DHX32: variants seen among roughly 807,000 people sequenced by gnomAD.
DHX32 encodes DEAH-box helicase 32 (putative).
Under a neutral mutation model 70.0 loss-of-function variants are expected in DHX32, and 51 were observed. The ratio of observed to expected loss-of-function variants is 0.73; its 90% CI spans 0.58 to 0.92. The LOEUF (loss-of-function observed/expected upper bound fraction) is 0.92, where lower values mean the gene tolerates loss of function less well. Among genes scored for constraint, DHX32 ranks in the 40% least tolerant of loss-of-function variants. The pLI, the probability that DHX32 is intolerant of heterozygous loss-of-function variation, is 0.00. For missense variants in DHX32, 762 were observed against 891.8 expected (o/e 0.85, Z 1.85); for synonymous variants, 310 against 315.3 (o/e 0.98, Z 0.18).
rs554660784 is a variant in DHX32 at position 125,887,725 on chromosome 10, T to C, written c.-247-6654A>G. Among the ~76,000 whole-genome samples the C allele has an allele frequency of 1.6e-4, 25 of 152,242 alleles. 1 individual carries two copies. In the South Asian group the frequency reaches 5.0e-3, roughly 30 times the overall value. On this transcript the variant is annotated intron_variant, in intron 1 of 2. Coordinates refer to the DHX32 transcript ENST00000415732. Reference sequence around the variant, plus strand: ...CTGGGCTCAAGTGATCCTCCTGCCTTAGCTTTCCGAGTAGCTAGAAGTAGA... The same window carrying C: ...CTGGGCTCAAGTGATCCTCCTGCCTCAGCTTTCCGAGTAGCTAGAAGTAGA...
chr10:125,848,378 A>G (rs1414260616), intron 6 of DHX32, among the ~76,000 whole-genome samples: 1 of 152,168 alleles, frequency 6.6e-6, no homozygotes, highest in Admixed American at 6.5e-5. Context: ...TCTCATTTGT[A>G]CCTCTAAATA....
chr10:125,848,156 CAG>C (rs1944048268), intron 6 of DHX32, among the ~76,000 whole-genome samples: 1 of 152,056 alleles, frequency 6.6e-6, no homozygotes, highest in Non-Finnish European at 1.5e-5. Context: ...AAAGAGTCCA[CAG>C]GGGGAGAAAC....
chr10:125,836,414 C>T lies in DHX32; in HGVS notation c.*273G>A. On this transcript the variant is annotated 3_prime_UTR_variant, in exon 11 of 11. Transcript: ENST00000284690. ...GGTTCTGTCCCATGTGTCTCTGACA[C>T]ATTTACAAAATACCAGTTTTTTAAA... 6.8e-7 allele frequency: 1 copy of T among 1,464,420 alleles called. No individual in the cohort carries two copies. The highest frequency in any genetic ancestry group is 1.4e-5 in the African/African-American group (1 of 69,822). The allele number at this position is 1,464,420 out of a possible 1,614,324, so 90.7% of individuals were successfully genotyped here. A position where few individuals can be genotyped will look rare whatever the true frequency, so the allele number is the denominator to read the frequency against.
At chr10:125,887,844 T>G (rs933316015) in intron 1 of DHX32, among the ~76,000 whole-genome samples, 2 of 152,120 alleles carry the variant, frequency 1.3e-5, no homozygotes, top group African/African-American at 4.8e-5. Context: ...TTAGTGAGAT[T>G]AGGTAACAGT....
chr10:125,838,953 T>C, intron 9 of DHX32, 48 bp downstream of exon 9: 1 of 1,550,172 alleles, frequency 6.5e-7, no homozygotes, highest in Non-Finnish European at 8.8e-7. Flanking sequence ...ATCCTGAGTA[T>C]GTGCAATTCA....
At chr10:125,853,065 TC>T in intron 4 of DHX32, 1 of 1,242,396 alleles carries the variant, frequency 8.0e-7, no homozygotes, top group South Asian at 1.4e-5. Flanking sequence ...TACTGAGAGT[TC>T]CAATCATAAC....
chr10:125,872,910 C>A (rs1193632832), intron 1 of DHX32, among the ~76,000 whole-genome samples: 1 of 152,208 alleles, frequency 6.6e-6, no homozygotes, highest in African/African-American at 2.4e-5. Flanking sequence ...AAAATCTAAT[C>A]TAAATCAAGG....
chr10:125,866,145 T>C lies in DHX32; in HGVS notation c.476+845A>G, dbSNP rs1944218993. Among the ~76,000 whole-genome samples the C allele has an allele frequency of 6.6e-6, 1 of 152,166 alleles. No homozygotes were observed. On this transcript the variant is annotated intron_variant, in intron 2 of 10. Transcript: ENST00000284690. This position sits in a 1 kb window ranked among gnomAD's most constrained non-coding sequence, Gnocchi z 4.8. ...GGGGCAGCTGAAGCCCGTGGGATGG[T>C]CAACTCTGGCTCCAGGCAGCTGTGA...
intron 1 of DHX32, among the ~76,000 whole-genome samples, chr10:125,873,955 C>A (rs1944269910): frequency 6.6e-6 from 1 of 152,098 alleles, no homozygotes; most frequent in Non-Finnish European, 1.5e-5. Flanking sequence ...TCTTTTTCAC[C>A]TCACTGACCC....
At chr10:125,895,497 C>G (rs1192813019) in intron 1 of DHX32, among the ~76,000 whole-genome samples, 2 of 152,222 alleles carry the variant, frequency 1.3e-5, no homozygotes, top group Non-Finnish European at 2.9e-5. Context: ...TTCTGGTGTT[C>G]CGGAACCTAT....
chr10:125,881,525 T>C (rs1944317496), upstream of DHX32, among the ~76,000 whole-genome samples: 1 of 152,254 alleles, frequency 6.6e-6, no homozygotes, highest in African/African-American at 2.4e-5. Context: ...AGAAATCCTT[T>C]ACTTTAATGA....
At chr10:125,886,889 T>C (rs1409664995) in intron 1 of DHX32, among the ~76,000 whole-genome samples, 3 of 152,296 alleles carry the variant, frequency 2.0e-5, no homozygotes, top group Non-Finnish European at 4.4e-5. Context: ...GGAGGCAACA[T>C]CAAGTATGAG....
At position 125,852,425 on chromosome 10, in the gene DHX32, C is replaced by A; in HGVS notation, c.1219G>T (p.Glu407Ter). The change falls in exon 6 of 11, where the codon GAA (glutamate) becomes TAA (stop). Residue 407 changes from glutamate to a stop codon, truncating the protein, a stop_gained. Coordinates refer to ENST00000284690, the MANE Select transcript of DHX32 (RefSeq NM_018180.3). LOFTEE classifies it high-confidence loss of function. ...SGKFFCLYTEEFASKDMTPLK... is the reference protein window; with the variant it reads ...SGKFFCLYTE ...GGCGTCATGTCTTTGGAGGCAAATT[C>A]TTCAGTGTACAGGCAGAAAAATTTT... 6.2e-7 allele frequency: 1 copy of A among 1,614,172 alleles called. No individual in the cohort carries two copies. Among genetic ancestry groups the A allele is most frequent in the Non-Finnish European group, 8.5e-7 (1 of 1,180,024 alleles).
chr10:125,885,333 AG>A (rs1278794167), upstream of DHX32, among the ~76,000 whole-genome samples: 1 of 152,182 alleles, frequency 6.6e-6, no homozygotes, highest in East Asian at 1.9e-4. Context: ...GCATGGCAAA[AG>A]GGACTCTACA....
rs1944311017 is a variant in DHX32, at chr10:125,880,572, C to T, written c.253G>A (p.Gly85Arg). The T allele has an allele frequency of 2.5e-6, 4 of 1,612,158 alleles. No homozygotes were observed. Among genetic ancestry groups the T allele is most frequent in the Non-Finnish European group, 3.4e-6 (4 of 1,178,664 alleles). ...LLQNQIVIVSGDAKCGKSAQV... is the reference protein window; with the variant it reads ...LLQNQIVIVSRDAKCGKSAQV... Reference sequence around the variant, plus strand: ...GCGCTCTTACCACATTTAGCATCTCCTGAAACAATCACGATTTGATTTTGA... The same window carrying T: ...GCGCTCTTACCACATTTAGCATCTCTTGAAACAATCACGATTTGATTTTGA... Residue 85 changes from glycine to arginine, a missense_variant, in exon 1 of 11, where the codon GGA (glycine) becomes AGA (arginine). Physicochemically the swap from Gly to Arg is moderately radical, Grantham distance 125 (BLOSUM62 -2). Around this residue, in one of 3 missense-constraint regions of DHX32, gnomAD observed 394 missense variants for 473.1 expected, o/e 0.83. Coordinates refer to ENST00000284690, the MANE Select transcript of DHX32 (RefSeq NM_018180.3).
At chr10:125,892,715 T>A (rs1944378479) in intron 1 of DHX32, among the ~76,000 whole-genome samples, 1 of 152,256 alleles carries the variant, frequency 6.6e-6, no homozygotes, top group African/African-American at 2.4e-5. Context: ...TATGCCTAAG[T>A]CAATAACAGC....
intron 1 of DHX32, among the ~76,000 whole-genome samples, chr10:125,879,425 A>G (rs1337492250): frequency 1.3e-5 from 2 of 152,164 alleles, no homozygotes; most frequent in Non-Finnish European, 2.9e-5. Flanking sequence ...CTAAAGTCCA[A>G]TGTAAACAGT....
chr10:125,861,441 G>A (rs1244693988), intron 2 of DHX32, among the ~76,000 whole-genome samples: 1 of 152,118 alleles, frequency 6.6e-6, no homozygotes, highest in Non-Finnish European at 1.5e-5. Flanking sequence ...AGCTTGCAGT[G>A]AGCCGAGATT....
intron 6 of DHX32, among the ~76,000 whole-genome samples, chr10:125,850,383 G>A (rs1166105049): frequency 7.3e-6 from 1 of 136,452 alleles, no homozygotes; most frequent in Admixed American, 7.5e-5. Context: ...TTGAGACAGA[G>A]TTTTGCTCTT....
Sources: allele counts gnomAD v4.1 joint callset (sites outside exome capture counted in the v4.1 genomes callset), GRCh38; gene constraint gnomAD v4.1.1; regional missense constraint gnomAD v4.1.1; non-coding constraint Gnocchi (gnomAD v3.1); transcripts MANE v1.5; gene names NCBI Gene and HGNC (gene_info 2026-07-23, HGNC 2026-07-21).